ARL15: variants seen among roughly 807,000 people sequenced by gnomAD.
ARL15 encodes ARF like GTPase 15.
Under a neutral mutation model 25.2 loss-of-function variants are expected in ARL15, and 19 were observed. The observed-to-expected ratio is 0.75, with a 90% CI of 0.53 to 1.10. ARL15 has a LOEUF of 1.10. ARL15 is among the 50% of genes least tolerant of loss of function. The pLI, the probability that ARL15 is intolerant of heterozygous loss-of-function variation, is 0.00. For missense variants in ARL15, 220 were observed against 246.0 expected, an observed-to-expected ratio of 0.89 and a Z score of 0.71; for synonymous variants, 94 against 86.8, an observed-to-expected ratio of 1.08 and a Z score of -0.46.
At chr5:54,119,673 T>C (rs1249375851) in intron 3 of ARL15, among the ~76,000 whole-genome samples, 2 of 152,174 alleles carry the variant, frequency 1.3e-5, no homozygotes, top group African/African-American at 4.8e-5. Flanking sequence ...TTGATCTCCT[T>C]AGATACTCCA....
chr5:54,215,597 C>T (rs1009164973), intron 1 of ARL15, among the ~76,000 whole-genome samples: 3 of 133,232 alleles, frequency 2.3e-5, no homozygotes, highest in African/African-American at 8.1e-5. Context: ...AGACTTAGTG[C>T]GACTCAAGCT....
chr5:54,001,761 C>T (rs7736354), intron 4 of ARL15, among the ~76,000 whole-genome samples: 41,977 of 152,052 alleles, frequency 0.28, 6,038 homozygotes, highest in East Asian at 0.46. Context: ...TCAACAATGG[C>T]TGAAGGAACA....
At chr5:54,286,973 C>T (rs1380386732) in intron 1 of ARL15, among the ~76,000 whole-genome samples, 1 of 151,222 alleles carries the variant, frequency 6.6e-6, no homozygotes, top group African/African-American at 2.4e-5. Flanking sequence ...TCCAGGATTG[C>T]CTCAAGCAAT....
chr5:54,262,632 T>C (rs946502215), intron 1 of ARL15, among the ~76,000 whole-genome samples: 9 of 152,212 alleles, frequency 5.9e-5, no homozygotes, highest in African/African-American at 1.9e-4. Context: ...CCTATCTCTA[T>C]TAAGTAAAAT....
intron 4 of ARL15, among the ~76,000 whole-genome samples, chr5:54,086,227 T>C (rs1751960963): frequency 6.6e-6 from 1 of 152,166 alleles, no homozygotes; most frequent in South Asian, 2.1e-4. Flanking sequence ...ACACATAAGC[T>C]TTAGCATCTG....
chr5:53,909,836 G>A (rs1745395524), intron 4 of ARL15, among the ~76,000 whole-genome samples: 1 of 152,202 alleles, frequency 6.6e-6, no homozygotes, highest in Non-Finnish European at 1.5e-5. Flanking sequence ...CTGGCTCACA[G>A]TAGAAGCTCA....
chr5:54,005,614 A>G (rs1009338020), intron 4 of ARL15, among the ~76,000 whole-genome samples: 3 of 152,046 alleles, frequency 2.0e-5, no homozygotes, highest in Admixed American at 6.6e-5. Context: ...CTGTAATCCC[A>G]GCACTTTCGG....
chr5:54,180,232 G>C (rs561144687), intron 1 of ARL15, among the ~76,000 whole-genome samples: 1 of 152,184 alleles, frequency 6.6e-6, no homozygotes, highest in Admixed American at 6.5e-5. Context: ...GAGTATAGGA[G>C]GAAATATATG....
intron 3 of ARL15, among the ~76,000 whole-genome samples, chr5:54,153,682 A>G (rs1754136571): frequency 6.6e-6 from 1 of 152,222 alleles, no homozygotes; most frequent in South Asian, 2.1e-4. Flanking sequence ...CGAACTGAAA[A>G]CAGACACCTG....
At chr5:54,095,315 T>G (rs1455359758) in intron 4 of ARL15, among the ~76,000 whole-genome samples, 1 of 152,194 alleles carries the variant, frequency 6.6e-6, no homozygotes, top group Admixed American at 6.5e-5. Context: ...TTTAGAAAAT[T>G]TATAGTTCTT....
chr5:54,130,330 A>G (rs1041766326), intron 3 of ARL15, among the ~76,000 whole-genome samples: 8 of 152,224 alleles, frequency 5.3e-5, no homozygotes, highest in African/African-American at 1.4e-4. Flanking sequence ...GAGATTTAAA[A>G]AAAGTGTTCT....
At chr5:54,135,695 C>T (rs944196741) in intron 3 of ARL15, among the ~76,000 whole-genome samples, 1 of 152,292 alleles carries the variant, frequency 6.6e-6, no homozygotes, top group Non-Finnish European at 1.5e-5. Context: ...CATGCAAGTA[C>T]TCAGTTTGGG....
intron 1 of ARL15, among the ~76,000 whole-genome samples, chr5:54,248,034 A>C (rs1757135068): frequency 6.6e-6 from 1 of 152,120 alleles, no homozygotes; most frequent in Non-Finnish European, 1.5e-5. Flanking sequence ...TTAAAAAAAA[A>C]TTAAGAACAA....
intron 1 of ARL15, among the ~76,000 whole-genome samples, chr5:54,265,174 C>G (rs1757593292): frequency 6.6e-6 from 1 of 152,058 alleles, no homozygotes; most frequent in Non-Finnish European, 1.5e-5. Flanking sequence ...TAAAAAAACC[C>G]AACTCTTTTT....
rs548892799 is a variant in ARL15 at position 54,063,088 on chromosome 5, T to C, written c.462+50114A>G. ...CATAACTTCAAAAAGAAATTCTTCA[T>C]ACATGAGGCATAGGATGTCAGGAAG... On this transcript the variant is annotated intron_variant, in intron 4 of 4. Coordinates refer to ENST00000504924, the MANE Select transcript of ARL15 (RefSeq NM_019087.3). Among the ~76,000 whole-genome samples, 4 of 152,308 alleles carry C rather than the reference T, an allele frequency of 2.6e-5. No individual in the cohort carries two copies. In the South Asian group the frequency reaches 8.3e-4, roughly 32 times the overall value.
chr5:54,286,471 T>A (rs1758182279), intron 1 of ARL15: 3 of 152,264 alleles, frequency 2.0e-5, no homozygotes, highest in Non-Finnish European at 4.4e-5. Flanking sequence ...ACATGATCTC[T>A]GTGAAATTCA....
At chr5:54,309,431 G>C (rs1758839974) in intron 1 of ARL15, among the ~76,000 whole-genome samples, 1 of 152,210 alleles carries the variant, frequency 6.6e-6, no homozygotes, top group South Asian at 2.1e-4. Flanking sequence ...GTAATTCCTA[G>C]AAGGCACTGG....
intron 1 of ARL15, 164 bp downstream of exon 1, chr5:54,310,267 GC>G: frequency 4.2e-6 from 3 of 722,330 alleles, no homozygotes; most frequent in Non-Finnish European, 6.6e-6. Flanking sequence ...CCTGGAGGCT[GC>G]CCCTCCGAGT....
chr5:53,974,076 ACT>A (rs1187725852), intron 4 of ARL15, among the ~76,000 whole-genome samples: 7 of 152,084 alleles, frequency 4.6e-5, no homozygotes, highest in Non-Finnish European at 1.0e-4. Context: ...TACAAGCTAG[ACT>A]CTGTTTTCCC....
Sources: allele counts gnomAD v4.1 joint callset (sites outside exome capture counted in the v4.1 genomes callset), GRCh38; gene constraint gnomAD v4.1.1; transcripts MANE v1.5; gene names NCBI Gene and HGNC (gene_info 2026-07-23, HGNC 2026-07-21).